CEP170: variants seen among roughly 807,000 people sequenced by gnomAD.
CEP170 encodes centrosomal protein of 170 kDa.
Under a neutral mutation model 151.9 loss-of-function variants are expected in CEP170, and 21 were observed. That is an observed-to-expected ratio of 0.14 (90% confidence interval 0.10 to 0.20). The LOEUF is 0.20. Among genes scored for constraint, CEP170 ranks in the 10% least tolerant of loss-of-function variants. The pLI is 1.00. For missense variants in CEP170, 964 were observed against 1,892.9 expected, an observed-to-expected ratio of 0.51 and a Z score of 9.11; for synonymous variants, 356 against 648.8, an observed-to-expected ratio of 0.55 and a Z score of 6.86.
intron 10 of CEP170, among the ~76,000 whole-genome samples, chr1:243,174,860 AT>A (rs1335300958): frequency 6.6e-6 from 1 of 152,200 alleles, no homozygotes; most frequent in Admixed American, 6.5e-5. Context: ...AAGAAAGCAA[AT>A]TATAGCTATT....
chr1:243,159,489 C>G (rs2057862405), intron 13 of CEP170, among the ~76,000 whole-genome samples: 1 of 152,082 alleles, frequency 6.6e-6, no homozygotes, highest in East Asian at 1.9e-4. Context: ...CTTTTTTCTT[C>G]TAAAGAAAAT....
In CEP170 at chr1:243,125,383, C is replaced by A. The variant is rs1052349297; in HGVS notation, c.*1066G>T. 1 of 152,638 alleles carries A rather than the reference C, an allele frequency of 6.6e-6. No homozygotes were observed. The highest frequency in any genetic ancestry group is 2.4e-5 in the African/African-American group (1 of 41,444). The allele number at this position is 152,638 out of a possible 1,614,324, so 9.5% of individuals were successfully genotyped here. On this transcript the variant is annotated 3_prime_UTR_variant, in exon 20 of 20. Coordinates refer to ENST00000366542, the MANE Select transcript of CEP170 (RefSeq NM_014812.3). ...AGACAGCATTTACTATTGAGTCCTA[C>A]AGGGAAACACACAGAAGCAATTCAT...
At chr1:243,237,886 C>G (rs1338724542) in intron 1 of CEP170, among the ~76,000 whole-genome samples, 4 of 152,122 alleles carry the variant, frequency 2.6e-5, no homozygotes, top group Non-Finnish European at 4.4e-5. Flanking sequence ...GCCTGGGCAA[C>G]AGAACGAGAC....
At chr1:243,233,481 C>T (rs1356131953) in intron 1 of CEP170, among the ~76,000 whole-genome samples, 2 of 151,976 alleles carry the variant, frequency 1.3e-5, no homozygotes, top group Non-Finnish European at 2.9e-5. Flanking sequence ...CGCCTGTAAT[C>T]CCAGCACTTT....
intron 3 of CEP170, among the ~76,000 whole-genome samples, chr1:243,214,365 A>C (rs1487548184): frequency 1.4e-5 from 2 of 143,716 alleles, no homozygotes; most frequent in East Asian, 2.1e-4. Context: ...AGCTCACTAC[A>C]ACTTCTGCCT....
chr1:243,163,813 T>A (rs2058249460), intron 13 of CEP170, among the ~76,000 whole-genome samples: 2 of 152,278 alleles, frequency 1.3e-5, no homozygotes, highest in African/African-American at 4.8e-5. Context: ...TTATTTCATT[T>A]AACTCTGAAA....
At chr1:243,210,387 G>T (rs1323681227) in intron 4 of CEP170, among the ~76,000 whole-genome samples, 2 of 151,830 alleles carry the variant, frequency 1.3e-5, no homozygotes, top group African/African-American at 4.8e-5. Context: ...AACTTAGGCT[G>T]GTAGAAAATG....
At chr1:243,236,016 T>G (rs1440032247) in intron 1 of CEP170, among the ~76,000 whole-genome samples, 2 of 152,236 alleles carry the variant, frequency 1.3e-5, no homozygotes, top group Non-Finnish European at 2.9e-5. Flanking sequence ...AGCATAATTT[T>G]GTTGCTTTAC....
chr1:243,237,357 T>G (rs927480518), intron 1 of CEP170, among the ~76,000 whole-genome samples: 3 of 152,198 alleles, frequency 2.0e-5, no homozygotes, highest in Non-Finnish European at 4.4e-5. Context: ...AAAAGATGAA[T>G]TTTAAATTTC....
chr1:243,137,587 C>T (rs1349728286), intron 16 of CEP170, among the ~76,000 whole-genome samples: 2 of 151,846 alleles, frequency 1.3e-5, no homozygotes, highest in Non-Finnish European at 2.9e-5. Flanking sequence ...CCATCCTGGC[C>T]AACATGGTGA....
At chr1:243,206,295 A>T (rs928813422) in intron 4 of CEP170, among the ~76,000 whole-genome samples, 1 of 152,120 alleles carries the variant, frequency 6.6e-6, no homozygotes, top group African/African-American at 2.4e-5. Flanking sequence ...CACCACGCCC[A>T]GCTAATTTTT....
At position 243,169,705 on chromosome 1, in the gene CEP170, C is replaced by G; in HGVS notation, c.1766G>C (p.Ser589Thr). 6.2e-7 allele frequency: 1 copy of G among 1,613,658 alleles called. No individual in the cohort carries two copies. The highest frequency in any genetic ancestry group is 1.3e-5 in the African/African-American group (1 of 75,052). The stretch of plus-strand genomic sequence containing the variant: ...ATGCCTTGTATGATTGGCAGCCAAA[C>G]TAGCCCACTGTGAAACCCAACGTTT... ...GSKRWVSQWA[S>T]LAANHTRHDQ... Residue 589 changes from serine (S) to threonine (T), a missense_variant, in exon 12 of 20, where the codon AGT becomes ACT. Physicochemically the swap from Ser to Thr is moderately conservative, Grantham distance 58. Coordinates refer to ENST00000366542, the MANE Select transcript of CEP170 (RefSeq NM_014812.3).
chr1:243,206,508 G>A (rs2061431082), intron 4 of CEP170, among the ~76,000 whole-genome samples: 1 of 152,190 alleles, frequency 6.6e-6, no homozygotes, highest in Admixed American at 6.5e-5. Flanking sequence ...CACCAGCAAA[G>A]CCATAGTACA....
At chr1:243,235,837 TA>T (rs1558674369) in intron 1 of CEP170, among the ~76,000 whole-genome samples, 1 of 152,168 alleles carries the variant, frequency 6.6e-6, no homozygotes, top group African/African-American at 2.4e-5. Flanking sequence ...GATTTCTTCA[TA>T]AAAAACATTC....
chr1:243,162,189 T>G (rs1291570941), intron 13 of CEP170, among the ~76,000 whole-genome samples: 2 of 152,206 alleles, frequency 1.3e-5, no homozygotes, highest in Non-Finnish European at 2.9e-5. Context: ...CATATACTCC[T>G]GATAATAATC....
chr1:243,165,848 T>C lies in CEP170; in HGVS notation c.2112A>G (p.Ala704=), dbSNP rs1407415018. The C allele has an allele frequency of 3.1e-6, 5 of 1,613,888 alleles. No homozygotes were observed. The African/African-American group carries it at 5.3e-5, about 17-fold the overall frequency. ...CAGTTTTGAGAGTCTCTCCATTTAC[T>C]GCCCTGTTCATTTTACTCAAGGGTC... ...ADRPLSKMNR[A]VNGETLKTGG... Residue 704 remains alanine, a synonymous_variant, in exon 13 of 20, where the codon GCA becomes GCG. Coordinates refer to ENST00000366542, the MANE Select transcript of CEP170 (RefSeq NM_014812.3).
At chr1:243,197,842 T>C (rs1213112384) in intron 7 of CEP170, among the ~76,000 whole-genome samples, 2 of 152,056 alleles carry the variant, frequency 1.3e-5, no homozygotes, top group Non-Finnish European at 2.9e-5. Context: ...TAAGTAATAC[T>C]GTTTCTGTGC....
At chr1:243,243,210 T>G (rs2065031131) in intron 1 of CEP170, among the ~76,000 whole-genome samples, 1 of 150,578 alleles carries the variant, frequency 6.6e-6, no homozygotes, top group South Asian at 2.1e-4. Flanking sequence ...GGCGACAGAG[T>G]GAGAGAGAGG....
intron 1 of CEP170, among the ~76,000 whole-genome samples, chr1:243,237,801 G>T (rs1040138711): frequency 8.6e-5 from 13 of 151,986 alleles, no homozygotes; most frequent in Non-Finnish European, 1.8e-4. Flanking sequence ...GCTACTGGGG[G>T]TGGTGAGGCA....
Sources: allele counts gnomAD v4.1 joint callset (sites outside exome capture counted in the v4.1 genomes callset), GRCh38; gene constraint gnomAD v4.1.1; transcripts MANE v1.5; gene names NCBI Gene and HGNC (gene_info 2026-07-23, HGNC 2026-07-21).